TMCO4: variants seen among roughly 807,000 people sequenced by gnomAD.
TMCO4 encodes transmembrane and coiled-coil domains 4.
A neutral mutation model predicts 64.7 loss-of-function variants in TMCO4; 58 were observed. The observed-to-expected ratio is 0.90, with a 90% CI of 0.73 to 1.12. The LOEUF (loss-of-function observed/expected upper bound fraction) is 1.12, where lower values mean the gene tolerates loss of function less well. Ranked by LOEUF, TMCO4 falls within the 50% of genes most tolerant of loss-of-function variation. TMCO4 has a pLI of 0.00. For missense variants in TMCO4, 780 were observed against 825.9 expected, an observed-to-expected ratio of 0.94 and a Z score of 0.68; for synonymous variants, 325 against 346.1, an observed-to-expected ratio of 0.94 and a Z score of 0.68.
Position 19,736,378 on chromosome 1 carries a change from A to G in TMCO4, c.1264+994T>C, listed in dbSNP as rs147875152. Among the ~76,000 whole-genome samples the G allele has an allele frequency of 5.3e-3, 801 of 152,236 alleles. 8 individuals are homozygous for G. Among genetic ancestry groups the G allele is most frequent in the African/African-American group, 0.019 (769 of 41,524 alleles). ...ACCCATGTGGATTGTGGGAGCCACA[A>G]TTCAAGATGAGATTTGGGTGAGGAC... On this transcript the variant is annotated intron_variant, in intron 13 of 15. Coordinates refer to ENST00000294543, the MANE Select transcript of TMCO4 (RefSeq NM_181719.7).
In TMCO4 at chr1:19,790,653, A is replaced by G. The variant is rs2043983788; in HGVS notation, c.-100-3536T>C. Among the ~76,000 whole-genome samples, 3 of 152,208 alleles carry G rather than the reference A, an allele frequency of 2.0e-5. No individual in the cohort carries two copies. In the South Asian group the frequency reaches 6.2e-4, roughly 32 times the overall value. On this transcript the variant is annotated intron_variant, in intron 2 of 15. Coordinates refer to ENST00000294543, the MANE Select transcript of TMCO4 (RefSeq NM_181719.7). ...GAACGGCAATTATTAAAAAGTCAGGAAACAACAGAAGCTGGCAAGGCTGCA... is the reference window on the plus strand; with the variant it reads ...GAACGGCAATTATTAAAAAGTCAGGGAACAACAGAAGCTGGCAAGGCTGCA...
chr1:19,764,842 CAAAAAA>C (rs33963523), intron 6 of TMCO4, among the ~76,000 whole-genome samples: 10 of 70,444 alleles, frequency 1.4e-4, no homozygotes, highest in Admixed American at 1.3e-3. Context: ...AACTCTGTCT[CAAAAAA>C]AAAAAAAAAA....
rs770778917 is a variant in TMCO4 at position 19,700,859 on chromosome 1, T to C, written c.1291A>G (p.Ile431Val). 7 of 1,614,112 alleles carry C rather than the reference T, an allele frequency of 4.3e-6. No homozygotes were observed. The highest frequency in any genetic ancestry group is 1.7e-5 in the Admixed American group (1 of 60,006). Reference sequence around the variant, plus strand: ...CCCTCCACAGGCGCACCCAGCAGGATGACGTCCTCGATGATTCCTTGGCAA... The same window carrying C: ...CCCTCCACAGGCGCACCCAGCAGGACGACGTCCTCGATGATTCCTTGGCAA... Reference protein sequence around the residue: ...KDCQGIIEDVILLGAPVEGEA... With the variant: ...KDCQGIIEDVVLLGAPVEGEA... The change falls in exon 14 of 16, where the codon ATC becomes GTC. Residue 431 changes from isoleucine (I) to valine (V), a missense_variant. Transcript: ENST00000294543.
chr1:19,767,811 G>A (rs754306294), intron 6 of TMCO4, among the ~76,000 whole-genome samples: 20 of 152,156 alleles, frequency 1.3e-4, no homozygotes, highest in Non-Finnish European at 2.1e-4. Flanking sequence ...TGAGAGGATC[G>A]CCGGGCATGG....
chr1:19,713,723 A>AAC (rs1182350599), intron 13 of TMCO4, among the ~76,000 whole-genome samples: 3 of 150,532 alleles, frequency 2.0e-5, no homozygotes, highest in African/African-American at 7.3e-5. Flanking sequence ...CAACAACAAC[A>AAC]ACAACAACAA....
chr1:19,754,571 G>A (rs1983602), intron 7 of TMCO4, among the ~76,000 whole-genome samples: 15,166 of 152,110 alleles, frequency 0.1, 978 homozygotes, highest in South Asian at 0.27. Context: ...AGAACACCAC[G>A]GCAGCTAAAA....
intron 15 of TMCO4, among the ~76,000 whole-genome samples, chr1:19,686,689 A>T (rs2095151900): frequency 6.6e-6 from 1 of 152,152 alleles, no homozygotes; most frequent in Non-Finnish European, 1.5e-5. Flanking sequence ...CAGGACACAT[A>T]TTTAGTGGCT....
intron 2 of TMCO4, among the ~76,000 whole-genome samples, chr1:19,797,626 T>C (rs2044372003): frequency 6.6e-6 from 1 of 151,984 alleles, no homozygotes; most frequent in Non-Finnish European, 1.5e-5. Context: ...ATCCCAGTAC[T>C]TTGGGAGGCT....
At position 19,743,115 on chromosome 1, in the gene TMCO4, G is replaced by C. The variant is rs2095487477; in HGVS notation, c.878-2174C>G. Among the ~76,000 whole-genome samples, 1 of 152,170 alleles carries C rather than the reference G, an allele frequency of 6.6e-6. No homozygotes were observed. Among genetic ancestry groups the C allele is most frequent in the Admixed American group, 6.5e-5 (1 of 15,278 alleles). ...AAACTGTAAAGTGCTCTACTGCATT[G>C]TGCTGTCCTATGGCCAAGAATATGG... On this transcript the variant is annotated intron_variant, in intron 10 of 15. Coordinates refer to ENST00000294543, the MANE Select transcript of TMCO4 (RefSeq NM_181719.7). This position sits in a 1 kb window ranked among gnomAD's most constrained non-coding sequence, Gnocchi z 4.1.
intron 13 of TMCO4, among the ~76,000 whole-genome samples, chr1:19,707,049 G>T (rs2095306424): frequency 6.6e-6 from 1 of 152,178 alleles, no homozygotes; most frequent in African/African-American, 2.4e-5. Flanking sequence ...CCTCCCAGGG[G>T]ACCCATCTCT....
intron 15 of TMCO4, among the ~76,000 whole-genome samples, chr1:19,691,181 T>G (rs2100552063): frequency 6.6e-6 from 1 of 152,322 alleles, no homozygotes; most frequent in Admixed American, 6.5e-5. Context: ...GTGAAGACTC[T>G]TTAACCAGGA....
At chr1:19,766,588 G>A (rs1319945944) in intron 6 of TMCO4, among the ~76,000 whole-genome samples, 4 of 152,056 alleles carry the variant, frequency 2.6e-5, no homozygotes, top group African/African-American at 7.2e-5. Context: ...CTCACAGCCC[G>A]TGCCCTGCCT....
At chr1:19,733,929 A>G (rs913549538) in intron 13 of TMCO4, among the ~76,000 whole-genome samples, 2 of 152,212 alleles carry the variant, frequency 1.3e-5, no homozygotes. Flanking sequence ...AATGGATGTG[A>G]TAATTGTACC....
intron 14 of TMCO4, among the ~76,000 whole-genome samples, chr1:19,699,310 A>G (rs2095256256): frequency 6.6e-6 from 1 of 151,946 alleles, no homozygotes; most frequent in South Asian, 2.1e-4. Flanking sequence ...ATGTCATTTA[A>G]TCTTCCCAGA....
chr1:19,783,104 A>C (rs560043322), intron 3 of TMCO4, among the ~76,000 whole-genome samples: 1 of 152,364 alleles, frequency 6.6e-6, no homozygotes, highest in South Asian at 2.1e-4. Flanking sequence ...TGCCTGGCAC[A>C]TAGCAAAGGT....
intron 3 of TMCO4, among the ~76,000 whole-genome samples, chr1:19,786,143 G>C (rs937398976): frequency 2.1e-4 from 32 of 152,184 alleles, no homozygotes; most frequent in African/African-American, 7.5e-4. Flanking sequence ...AGCTACTCAA[G>C]AGTATGAGGC....
chr1:19,776,222 T>A (rs773731500), intron 4 of TMCO4, among the ~76,000 whole-genome samples: 1 of 152,180 alleles, frequency 6.6e-6, no homozygotes, highest in Non-Finnish European at 1.5e-5. Flanking sequence ...TTGAGGTTTT[T>A]AAAAAACATG....
At chr1:19,731,623 G>T (rs567242686) in intron 13 of TMCO4, among the ~76,000 whole-genome samples, 1 of 152,340 alleles carries the variant, frequency 6.6e-6, no homozygotes, top group South Asian at 2.1e-4. Flanking sequence ...GTACCTTGCC[G>T]CGTCCTGCAA....
chr1:19,778,476 G>A (rs1423779486), intron 4 of TMCO4, among the ~76,000 whole-genome samples: 1 of 152,074 alleles, frequency 6.6e-6, no homozygotes, highest in Non-Finnish European at 1.5e-5. Flanking sequence ...GTTTCACCAT[G>A]TTGACCAGGC....
Sources: allele counts gnomAD v4.1 joint callset (sites outside exome capture counted in the v4.1 genomes callset), GRCh38; gene constraint gnomAD v4.1.1; non-coding constraint Gnocchi (gnomAD v3.1); transcripts MANE v1.5; gene names NCBI Gene and HGNC (gene_info 2026-07-23, HGNC 2026-07-21).